The following CTNNA2 variants were observed in gnomAD, a reference collection of about 807,000 sequenced individuals.
CTNNA2 encodes catenin alpha 2, also known as catenin alpha-2.
A neutral mutation model predicts 101.0 loss-of-function variants in CTNNA2; 42 were observed. The observed-to-expected ratio is 0.42, with a 90% confidence interval of 0.32 to 0.54. The LOEUF is 0.54. Ranked by LOEUF, CTNNA2 falls within the 20% of genes least tolerant of loss-of-function variation. The pLI is 0.14. For missense variants in CTNNA2, 871 were observed against 1,223.1 expected (o/e 0.71, Z 4.29); for synonymous variants, 450 against 456.4 (o/e 0.99, Z 0.18).
chr2:79,269,306 A>C (rs1286706965), intron 2 of CTNNA2, among the ~76,000 whole-genome samples: 3 of 152,118 alleles, frequency 2.0e-5, no homozygotes, highest in Non-Finnish European at 4.4e-5. Context: ...GGATGTGCAC[A>C]CCCAAGCAAA....
chr2:80,544,890 A>C, intron 9 of CTNNA2, 92 bp from the exon 10 acceptor site: 2 of 1,035,048 alleles, frequency 1.9e-6, no homozygotes, highest in Non-Finnish European at 2.8e-6. Context: ...TTCTCCTGGA[A>C]GAGACATCTG....
At chr2:80,395,389 T>C (rs1326991386) in intron 8 of CTNNA2, among the ~76,000 whole-genome samples, 2 of 152,244 alleles carry the variant, frequency 1.3e-5, no homozygotes, top group African/African-American at 4.8e-5. Context: ...GAAACATCTT[T>C]CTCTTCTCCA....
At chr2:79,966,346 C>A (rs1475744248) in intron 7 of CTNNA2, among the ~76,000 whole-genome samples, 1 of 152,096 alleles carries the variant, frequency 6.6e-6, no homozygotes, top group Non-Finnish European at 1.5e-5. Flanking sequence ...AGCGATCCTC[C>A]CACCTCAGCC....
intron 2 of CTNNA2, among the ~76,000 whole-genome samples, chr2:79,242,999 C>CACACACACACACAT (rs1553385594): frequency 0.15 from 16,286 of 106,944 alleles, 1,418 homozygotes; most frequent in Middle Eastern, 0.26. Context: ...TATATACACA[C>CACACACACACACAT]ACACACACAC....
intron 7 of CTNNA2, among the ~76,000 whole-genome samples, chr2:80,392,715 A>G (rs1438903819): frequency 6.6e-6 from 1 of 152,214 alleles, no homozygotes; most frequent in Admixed American, 6.5e-5. Flanking sequence ...TTTCTAGTAA[A>G]GCATCTCTTT....
intron 3 of CTNNA2, among the ~76,000 whole-genome samples, chr2:79,752,368 C>T (rs1359054703): frequency 6.6e-6 from 1 of 152,076 alleles, no homozygotes; most frequent in Non-Finnish European, 1.5e-5. Flanking sequence ...GTAGTCATAT[C>T]AGAGTGTTCA....
chr2:79,307,133 A>C (rs778802340), intron 2 of CTNNA2, among the ~76,000 whole-genome samples: 2 of 152,154 alleles, frequency 1.3e-5, no homozygotes, highest in South Asian at 4.1e-4. Flanking sequence ...ATAATTGTAC[A>C]TATTTATGGT....
At chr2:79,576,391 T>G (rs1196833911) in intron 1 of CTNNA2, among the ~76,000 whole-genome samples, 2 of 152,190 alleles carry the variant, frequency 1.3e-5, no homozygotes, top group Admixed American at 6.5e-5. Context: ...CTTTCAAAAC[T>G]CAATGAACTA....
chr2:80,510,822 T>C (rs1573082012), intron 9 of CTNNA2, among the ~76,000 whole-genome samples: 1 of 152,314 alleles, frequency 6.6e-6, no homozygotes, highest in East Asian at 1.9e-4. Flanking sequence ...TGACTTCTGC[T>C]AAATGGTCAC....
intron 9 of CTNNA2, among the ~76,000 whole-genome samples, chr2:80,508,901 A>G (rs193216528): frequency 1.3e-5 from 2 of 152,270 alleles, no homozygotes; most frequent in Non-Finnish European, 2.9e-5. Context: ...CAATATGTAC[A>G]TGGGTGACAC....
chr2:80,203,109 C>T (rs886755698), intron 7 of CTNNA2, among the ~76,000 whole-genome samples: 5 of 152,172 alleles, frequency 3.3e-5, no homozygotes, highest in African/African-American at 1.2e-4. Context: ...AATCATCTCC[C>T]ACCTGGTCCC....
intron 18 of CTNNA2, among the ~76,000 whole-genome samples, chr2:80,636,609 A>T (rs1305496239): frequency 6.6e-6 from 1 of 152,126 alleles, no homozygotes; most frequent in Non-Finnish European, 1.5e-5. Context: ...TTAATATGAG[A>T]TATTTATAAA....
At chr2:79,887,125 T>A (rs985761644) in intron 6 of CTNNA2, among the ~76,000 whole-genome samples, 1 of 152,012 alleles carries the variant, frequency 6.6e-6, no homozygotes, top group African/African-American at 2.4e-5. Context: ...CCCAGACTTG[T>A]GTTTTTGAAG....
chr2:80,377,298 C>T, intron 7 of CTNNA2, among the ~76,000 whole-genome samples: 1 of 152,192 alleles, frequency 6.6e-6, no homozygotes, highest in East Asian at 1.9e-4. Flanking sequence ...CTGTGCCTTT[C>T]CTTAGGAAGC....
intron 2 of CTNNA2, among the ~76,000 whole-genome samples, chr2:79,271,053 A>G (rs1056712229): frequency 5.9e-5 from 9 of 152,148 alleles, no homozygotes; most frequent in Non-Finnish European, 1.3e-4. Flanking sequence ...GAGCCATGGC[A>G]TGAGGCAGAA....
rs547328750 is a variant in CTNNA2, at chr2:80,430,286, C to T, written c.1290+10685C>T. Among the ~76,000 whole-genome samples, 12 of 152,326 alleles carry T rather than the reference C, an allele frequency of 7.9e-5. No homozygotes were observed. The East Asian group carries it at 2.1e-3, about 27-fold the overall frequency. ...ACCTAAGGAGGAGAAAGAGAATCAACACTTAGCTTGTTCCCTATGCTAGAT... is the reference window on the plus strand; with the variant it reads ...ACCTAAGGAGGAGAAAGAGAATCAATACTTAGCTTGTTCCCTATGCTAGAT... On this transcript the variant is annotated intron_variant, in intron 9 of 18. Coordinates refer to ENST00000402739, the MANE Select transcript of CTNNA2 (RefSeq NM_001282597.3).
intron 7 of CTNNA2, among the ~76,000 whole-genome samples, chr2:80,370,565 C>T (rs906110051): frequency 1.3e-5 from 2 of 151,900 alleles, no homozygotes; most frequent in African/African-American, 2.4e-5. Context: ...ACTTAACTAT[C>T]GAGGAGAAAA....
At chr2:79,853,846 T>C (rs573180976) in intron 3 of CTNNA2, among the ~76,000 whole-genome samples, 158 of 152,160 alleles carry the variant, frequency 1.0e-3, no homozygotes, top group Middle Eastern at 3.4e-3. Flanking sequence ...TTTTGCATTT[T>C]TAGAAGAGAT....
intron 1 of CTNNA2, among the ~76,000 whole-genome samples, chr2:79,586,519 TTTCTTTTC>T (rs532271610): frequency 1.7e-4 from 12 of 69,780 alleles, no homozygotes; most frequent in East Asian, 3.3e-4. Flanking sequence ...TTTCTTTTCT[TTTCTTTTC>T]TTTTTTTTTA....
Sources: allele counts gnomAD v4.1 joint callset (sites outside exome capture counted in the v4.1 genomes callset), GRCh38; gene constraint gnomAD v4.1.1; transcripts MANE v1.5; gene names NCBI Gene and HGNC (gene_info 2026-07-23, HGNC 2026-07-21).